Variants in MCC observed in about 807,000 individuals in gnomAD.
The protein encoded by MCC is colorectal mutant cancer protein.
Under a neutral mutation model 116.2 loss-of-function variants are expected in MCC, and 90 were observed. The observed-to-expected ratio is 0.77, with a 90% CI of 0.65 to 0.92. MCC has a LOEUF of 0.92. Among genes scored for constraint, MCC ranks in the 40% least tolerant of loss-of-function variants. The probability of loss-of-function intolerance (pLI) is 0.00; values close to 1 mark genes in which losing one functional copy is unlikely to be tolerated. For missense variants in MCC, 1,516 were observed against 1,312.2 expected (o/e 1.16, Z -2.40); for synonymous variants, 578 against 510.5 (o/e 1.13, Z -1.78).
At position 113,104,260 on chromosome 5, in the gene MCC, C is replaced by T. The variant is rs138865235; in HGVS notation, c.1123G>A (p.Val375Met). 4.7e-5 allele frequency: 76 copies of T among 1,614,050 alleles called. No individual in the cohort carries two copies. The highest frequency in any genetic ancestry group is 3.5e-4 in the African/African-American group (26 of 75,048). The change falls in exon 7 of 19, where the codon GTG (valine) becomes ATG (methionine). Residue 375 changes from valine (V) to methionine (M), a missense_variant. Physicochemically the swap from Val to Met is conservative, Grantham distance 21 (BLOSUM62 1). Coordinates refer to ENST00000408903, the MANE Select transcript of MCC (RefSeq NM_001085377.2). ...GRKKSSCSLSVAEVDKHIEQL... is the reference protein window; with the variant it reads ...GRKKSSCSLSMAEVDKHIEQL... ...TCAATGTGCTTGTCCACCTCGGCCA[C>T]GGAGAGGCTGCAGCTGCTCTTCTTC...
intron 3 of MCC, among the ~76,000 whole-genome samples, chr5:113,320,257 TAC>T (rs147315202): frequency 6.6e-5 from 10 of 150,844 alleles, no homozygotes; most frequent in East Asian, 5.8e-4. Context: ...TACTATGTAG[TAC>T]ACACACACAC....
intron 11 of MCC, among the ~76,000 whole-genome samples, chr5:113,073,272 G>A (rs1430525577): frequency 6.6e-6 from 1 of 152,126 alleles, no homozygotes; most frequent in Non-Finnish European, 1.5e-5. Context: ...AGTTTCCACT[G>A]CTTTCAGCAC....
At chr5:113,075,766 G>A (rs1191966238) in intron 11 of MCC, among the ~76,000 whole-genome samples, 1 of 152,196 alleles carries the variant, frequency 6.6e-6, no homozygotes, top group Non-Finnish European at 1.5e-5. Context: ...CCATGCTGTG[G>A]AAGCTTTGTT....
At chr5:113,402,834 G>A (rs180977415) in intron 1 of MCC, among the ~76,000 whole-genome samples, 5 of 152,098 alleles carry the variant, frequency 3.3e-5, no homozygotes, top group East Asian at 3.9e-4. Context: ...TGAAGATATC[G>A]TCCAGGCTGG....
intron 3 of MCC, among the ~76,000 whole-genome samples, chr5:113,223,730 C>A (rs1219743302): frequency 6.6e-6 from 1 of 152,198 alleles, no homozygotes; most frequent in Non-Finnish European, 1.5e-5. Flanking sequence ...AACTGGTAAA[C>A]TGGTCAGGGC....
intron 3 of MCC, among the ~76,000 whole-genome samples, chr5:113,158,430 T>C (rs755109650): frequency 7.2e-5 from 11 of 152,374 alleles, no homozygotes; most frequent in Non-Finnish European, 1.3e-4. Flanking sequence ...GCATGCTTCA[T>C]ACACTTTACC....
chr5:113,078,539 T>C (rs149462519), intron 11 of MCC, among the ~76,000 whole-genome samples: 22,902 of 152,074 alleles, frequency 0.15, 1,938 homozygotes, highest in South Asian at 0.22. Flanking sequence ...ATCATATAAA[T>C]AGAACCAAAG....
chr5:113,056,713 C>T (rs1752860771), intron 14 of MCC, among the ~76,000 whole-genome samples: 1 of 151,936 alleles, frequency 6.6e-6, no homozygotes, highest in South Asian at 2.1e-4. Flanking sequence ...ACATGTACCC[C>T]TGAACTTAAA....
Position 113,064,010 on chromosome 5 carries a change from C to T in MCC, c.2187G>A (p.Glu729=). ...AVAGCSVQPW[E]SLSSNSHTST... is the part of the protein sequence containing the mutation. Reference sequence around the variant, plus strand: ...TGGTGTGGCTGTTGGAGGAAAGGCTCTCCCAGGGCTGCACGCTGCAGCCGG... The same window carrying T: ...TGGTGTGGCTGTTGGAGGAAAGGCTTTCCCAGGGCTGCACGCTGCAGCCGG... The change falls in exon 14 of 19, where the codon GAG becomes GAA. Residue 729 remains glutamate (E), a synonymous_variant. Coordinates refer to ENST00000408903, the MANE Select transcript of MCC (RefSeq NM_001085377.2). 1 of 1,613,426 alleles carries T rather than the reference C, an allele frequency of 6.2e-7. No individual in the cohort carries two copies. The highest frequency in any genetic ancestry group is 8.5e-7 in the Non-Finnish European group (1 of 1,179,864).
At chr5:113,091,049 C>G (rs972319146) in intron 8 of MCC, among the ~76,000 whole-genome samples, 1 of 152,202 alleles carries the variant, frequency 6.6e-6, no homozygotes, top group African/African-American at 2.4e-5. Flanking sequence ...GCTGATCCCT[C>G]TGCCTCACGC....
At chr5:113,079,388 T>C (rs377297786) in intron 11 of MCC, among the ~76,000 whole-genome samples, 8 of 152,280 alleles carry the variant, frequency 5.3e-5, no homozygotes, top group Admixed American at 2.0e-4. Context: ...GGAGGCATCA[T>C]GCTACCTGAC....
Position 113,054,054 on chromosome 5 carries a change from C to T in MCC, c.2214-95G>A, listed in dbSNP as rs1049708171. ...CCTCACTCTTCTCCACATTCCCTCT[C>T]CCCAGTGTTATTTAGATGGTAATCC... is the stretch of plus-strand genomic sequence containing the variant. On this transcript the variant is annotated intron_variant, in intron 14 of 18. Transcript: ENST00000408903. 26 of 830,012 alleles carry T rather than the reference C, an allele frequency of 3.1e-5. No homozygotes were observed. In the South Asian group the frequency reaches 4.1e-4, roughly 13 times the overall value. 51.4% of individuals were successfully genotyped at this position (830,012 alleles called of 1,614,324 possible). A position where few individuals can be genotyped will look rare whatever the true frequency, so the allele number is the denominator to read the frequency against.
intron 1 of MCC, among the ~76,000 whole-genome samples, chr5:113,472,810 T>TA (rs758266888): frequency 3.9e-5 from 6 of 152,248 alleles, no homozygotes; most frequent in Non-Finnish European, 5.9e-5. Context: ...AGCATATGGT[T>TA]AGAGACAGAT....
chr5:113,218,122 G>C (rs1581265879), intron 3 of MCC, among the ~76,000 whole-genome samples: 1 of 140,766 alleles, frequency 7.1e-6, no homozygotes, highest in African/African-American at 2.7e-5. Flanking sequence ...GGAAACTGGG[G>C]GGAGTATGGA....
intron 3 of MCC, among the ~76,000 whole-genome samples, chr5:113,264,585 G>C (rs1006007075): frequency 1.3e-5 from 2 of 151,960 alleles, no homozygotes; most frequent in African/African-American, 4.8e-5. Flanking sequence ...ATACTCTAGG[G>C]GGCTGCAAAC....
chr5:113,153,457 G>C (rs1309552276), intron 3 of MCC, among the ~76,000 whole-genome samples: 2 of 152,124 alleles, frequency 1.3e-5, no homozygotes, highest in Admixed American at 6.5e-5. Context: ...CACTATCATG[G>C]GGGAGAGCAC....
At chr5:113,037,538 C>T (rs1462438916) in intron 17 of MCC, among the ~76,000 whole-genome samples, 1 of 152,064 alleles carries the variant, frequency 6.6e-6, no homozygotes, top group Non-Finnish European at 1.5e-5. Context: ...ACTAAAAATA[C>T]AAAAATTAGC....
At position 113,333,790 on chromosome 5, in the gene MCC, T is replaced by C. The variant is rs1018069643; in HGVS notation, c.627+6729A>G. Among the ~76,000 whole-genome samples, 5 of 110,066 alleles carry C rather than the reference T, an allele frequency of 4.5e-5. 1 individual carries two copies. Among genetic ancestry groups the C allele is most frequent in the African/African-American group, 1.7e-4 (5 of 29,336 alleles). 72.2% of individuals were successfully genotyped at this position (110,066 alleles called of 152,430 possible). On this transcript the variant is annotated intron_variant, in intron 3 of 18. Coordinates refer to ENST00000408903, the MANE Select transcript of MCC (RefSeq NM_001085377.2). The stretch of plus-strand genomic sequence containing the variant: ...AAAATGTCTTTGCTTCATATATATT[T>C]ATATATATATGTATATATGTATATA...
chr5:113,294,090 T>G (rs1425141449), intron 3 of MCC, among the ~76,000 whole-genome samples: 1 of 152,192 alleles, frequency 6.6e-6, no homozygotes, highest in South Asian at 2.1e-4. Context: ...GGTGAGAGGT[T>G]GTTTCTTTTT....
Sources: gnomAD v4.1 joint callset for allele counts (sites outside exome capture counted in the v4.1 genomes callset) on GRCh38, gnomAD v4.1.1 for gene constraint, MANE v1.5 for transcripts, NCBI Gene and HGNC (gene_info 2026-07-23, HGNC 2026-07-21) for gene names.